Variants in DLGAP4 observed in about 807,000 individuals in gnomAD.
DLGAP4 encodes DLG associated protein 4.
In DLGAP4, 18 loss-of-function variants were observed where a neutral mutation model predicts 86.9. The ratio of observed to expected loss-of-function variants is 0.21; its 90% CI spans 0.14 to 0.31. DLGAP4 has a LOEUF of 0.31. DLGAP4 is among the 10% of genes least tolerant of loss of function. The probability of loss-of-function intolerance (pLI) is 1.00; values close to 1 mark genes in which losing one functional copy is unlikely to be tolerated. For missense variants in DLGAP4, 1,085 were observed against 1,362.6 expected (o/e 0.80, Z 3.21); for synonymous variants, 548 against 574.3 (o/e 0.95, Z 0.65).
chr20:36,330,406 G>A (rs552332133), intron 1 of DLGAP4, among the ~76,000 whole-genome samples: 1 of 152,168 alleles, frequency 6.6e-6, no homozygotes, highest in South Asian at 2.1e-4. Flanking sequence ...GGGAGGTGGT[G>A]GACTATATGG....
chr20:36,424,143 A>G (rs1303717675), intron 2 of DLGAP4, among the ~76,000 whole-genome samples: 1 of 152,182 alleles, frequency 6.6e-6, no homozygotes, highest in Non-Finnish European at 1.5e-5. Context: ...GTTTCCTGGG[A>G]AATCAGTTCG....
chr20:36,418,125 A>G (rs994125293), intron 2 of DLGAP4, among the ~76,000 whole-genome samples: 8 of 146,384 alleles, frequency 5.5e-5, no homozygotes, highest in African/African-American at 1.8e-4. Flanking sequence ...GTGTGTGTGT[A>G]TGTTTCAGAG....
chr20:36,420,749 G>A (rs576161048), intron 2 of DLGAP4, among the ~76,000 whole-genome samples: 8 of 151,208 alleles, frequency 5.3e-5, no homozygotes, highest in Non-Finnish European at 7.4e-5. Context: ...CGAGGCGGGC[G>A]GATCACCTGA....
chr20:36,432,671 C>T lies in DLGAP4; in HGVS notation c.954C>T (p.Leu318=), dbSNP rs532998660. ...KTSATLDKSL[L]KSKSCHQGLA... is the part of the protein sequence containing the mutation. ...CAGCCACCTTGGATAAGAGCCTGCT[C>T]AAGTCCAAATCCTGCCACCAGGGTC... The change falls in exon 3 of 13, where the codon CTC becomes CTT. Residue 318 remains leucine (L), a synonymous_variant. Transcript: ENST00000339266. The surrounding 1 kb of genome is among the most constrained non-coding windows in gnomAD (Gnocchi z 6.5). 1.5e-5 allele frequency: 24 copies of T among 1,613,494 alleles called. No individual in the cohort carries two copies. In the South Asian group the frequency reaches 2.4e-4, roughly 16 times the overall value.
At chr20:36,519,733 T>C (rs1291295641) in intron 10 of DLGAP4, among the ~76,000 whole-genome samples, 1 of 152,218 alleles carries the variant, frequency 6.6e-6, no homozygotes, top group South Asian at 2.1e-4. Flanking sequence ...TTCCAATCTC[T>C]CCACATCTTT....
At chr20:36,475,474 G>A (rs1430418527) in intron 7 of DLGAP4, among the ~76,000 whole-genome samples, 1 of 152,190 alleles carries the variant, frequency 6.6e-6, no homozygotes, top group Non-Finnish European at 1.5e-5. Context: ...CTCCCAAAGT[G>A]CTGGGATTAC....
At chr20:36,327,782 G>A (rs1185444260) in intron 1 of DLGAP4, among the ~76,000 whole-genome samples, 149 of 147,630 alleles carry the variant, frequency 1.0e-3, no homozygotes, top group Non-Finnish European at 1.8e-3. Context: ...TAGTAGAGAC[G>A]GGGTTTCACC....
At chr20:36,382,882 C>A (rs1837066397) in intron 2 of DLGAP4, among the ~76,000 whole-genome samples, 1 of 152,032 alleles carries the variant, frequency 6.6e-6, no homozygotes, top group Non-Finnish European at 1.5e-5. Context: ...TCTTGTCTAC[C>A]CCTCAATATC....
At chr20:36,316,180 G>A (rs1190334958) in intron 1 of DLGAP4, among the ~76,000 whole-genome samples, 2 of 152,042 alleles carry the variant, frequency 1.3e-5, no homozygotes, top group Non-Finnish European at 2.9e-5. Flanking sequence ...GACCATCCCC[G>A]CCTCCTACCT....
chr20:36,424,745 T>C (rs1302318245), intron 2 of DLGAP4, among the ~76,000 whole-genome samples: 1 of 151,386 alleles, frequency 6.6e-6, no homozygotes, highest in Non-Finnish European at 1.5e-5. Flanking sequence ...TTTGTTTTTT[T>C]TTTTTTTTGA....
intron 2 of DLGAP4, among the ~76,000 whole-genome samples, chr20:36,419,297 A>G (rs1397233363): frequency 6.6e-6 from 1 of 151,360 alleles, no homozygotes; most frequent in Admixed American, 6.6e-5. Context: ...TAATTTTCTC[A>G]TGCTTTATTT....
chr20:36,446,477 C>T (rs2033594020), intron 6 of DLGAP4, among the ~76,000 whole-genome samples: 1 of 152,162 alleles, frequency 6.6e-6, no homozygotes, highest in East Asian at 1.9e-4. Flanking sequence ...CAACTTTGTC[C>T]TCATTATAGA....
At chr20:36,478,776 T>A (rs2035056026) in intron 7 of DLGAP4, among the ~76,000 whole-genome samples, 1 of 152,206 alleles carries the variant, frequency 6.6e-6, no homozygotes, top group South Asian at 2.1e-4. Context: ...ACTTAGCAGA[T>A]AGAACATGAC....
intron 7 of DLGAP4, among the ~76,000 whole-genome samples, chr20:36,474,440 C>T (rs1033024122): frequency 1.5e-4 from 23 of 152,226 alleles, no homozygotes; most frequent in African/African-American, 5.1e-4. Flanking sequence ...GTTCTCTCTG[C>T]AGGGTCATCA....
intron 7 of DLGAP4, among the ~76,000 whole-genome samples, chr20:36,459,086 C>A (rs1314982916): frequency 6.6e-6 from 1 of 152,118 alleles, no homozygotes; most frequent in East Asian, 1.9e-4. Flanking sequence ...GCCTTGGGGT[C>A]CAGGCTGGGG....
intron 1 of DLGAP4, among the ~76,000 whole-genome samples, chr20:36,333,207 G>A: frequency 6.6e-6 from 1 of 152,148 alleles, no homozygotes; most frequent in Non-Finnish European, 1.5e-5. Flanking sequence ...AGAGGATGGG[G>A]ACAGGGTTCA....
At chr20:36,428,523 A>G (rs547435718) in intron 2 of DLGAP4, among the ~76,000 whole-genome samples, 5 of 152,350 alleles carry the variant, frequency 3.3e-5, no homozygotes, top group Admixed American at 2.0e-4. Context: ...GCTGGGCCAG[A>G]TGGACATCCA....
chr20:36,461,834 C>G, intron 7 of DLGAP4: 2 of 982,074 alleles, frequency 2.0e-6, no homozygotes, highest in Non-Finnish European at 2.4e-6. Flanking sequence ...CGCTTTGTCT[C>G]TCCCCGGCTC....
intron 2 of DLGAP4, among the ~76,000 whole-genome samples, chr20:36,372,200 C>T (rs1372449642): frequency 1.3e-5 from 2 of 152,226 alleles, no homozygotes; most frequent in Non-Finnish European, 1.5e-5. Context: ...ACCAGGCTTG[C>T]ATCCCTGACG....
Sources: allele counts gnomAD v4.1 joint callset (sites outside exome capture counted in the v4.1 genomes callset), GRCh38; gene constraint gnomAD v4.1.1; non-coding constraint Gnocchi (gnomAD v3.1); transcripts MANE v1.5; gene names NCBI Gene and HGNC (gene_info 2026-07-23, HGNC 2026-07-21).